The following FAT1 variants were observed in gnomAD, a reference collection of about 807,000 sequenced individuals.
The protein encoded by FAT1 is FAT atypical cadherin 1, also known as protocadherin Fat 1.
In FAT1, 171 loss-of-function variants were observed where a neutral mutation model predicts 329.8. That is an observed-to-expected ratio of 0.52 (90% CI 0.46 to 0.59). The LOEUF (loss-of-function observed/expected upper bound fraction) is 0.59. FAT1 is among the 20% of genes least tolerant of loss of function. The pLI, the probability that FAT1 is intolerant of heterozygous loss-of-function variation, is 0.00. For synonymous variants in FAT1, 2,233 were observed against 2,228.6 expected (o/e 1.00, Z -0.06); for missense variants, 5,672 against 5,774.4 (o/e 0.98, Z 0.57).
intron 3 of FAT1, among the ~76,000 whole-genome samples, 184 bp from the exon 4 acceptor site, chr4:186,639,967 C>G (rs1235596994): frequency 6.6e-6 from 1 of 152,018 alleles, no homozygotes; most frequent in African/African-American, 2.4e-5. Flanking sequence ...CATGATGAAA[C>G]CCTGTATCTA....
At chr4:186,712,996 AT>A (rs1341691980) in intron 1 of FAT1, among the ~76,000 whole-genome samples, 1 of 137,972 alleles carries the variant, frequency 7.2e-6, no homozygotes, top group Non-Finnish European at 1.6e-5. Flanking sequence ...CTTTTTAAAA[AT>A]AAACCTTATT....
In FAT1 at chr4:186,636,890, G is replaced by T. The variant is rs1740850599; in HGVS notation, c.3667C>A (p.Pro1223Thr). ...ACTCTTGCAATGGTTGATTTGGGGG[G>T]ACTACCATTGTCTGTCACAGTAACC... ...LEVTVTDNGSPPKSTIARVIV... is the reference protein window; with the variant it reads ...LEVTVTDNGSTPKSTIARVIV... The change falls in exon 5 of 27, where the codon CCC becomes ACC. Residue 1223 changes from proline (P) to threonine (T), a missense_variant. By Grantham distance (38) the Pro-to-Thr change is conservative. This residue lies in a region of FAT1 where 3,966 missense variants were observed against 3,915.2 expected (regional missense o/e 1.01). Coordinates refer to ENST00000441802, the MANE Select transcript of FAT1 (RefSeq NM_005245.4). 5.0e-6 allele frequency: 8 copies of T among 1,611,366 alleles called. No individual in the cohort carries two copies. Among genetic ancestry groups the T allele is most frequent in the Non-Finnish European group, 6.8e-6 (8 of 1,178,888 alleles).
chr4:186,705,404 C>G (rs1744531629), intron 2 of FAT1, among the ~76,000 whole-genome samples: 3 of 151,952 alleles, frequency 2.0e-5, no homozygotes, highest in African/African-American at 7.3e-5. Flanking sequence ...TAAAAAGGTC[C>G]CTTTTAAAAT....
chr4:186,630,706 G>A (rs142579570), intron 7 of FAT1, among the ~76,000 whole-genome samples: 168 of 152,060 alleles, frequency 1.1e-3, no homozygotes, highest in African/African-American at 3.1e-3. Context: ...CCAAAAGGAC[G>A]ATTATCACCA....
At position 186,709,409 on chromosome 4, in the gene FAT1, A is replaced by G; in HGVS notation, c.419T>C (p.Leu140Pro). The G allele has an allele frequency of 6.2e-7, 1 of 1,613,976 alleles. No homozygotes were observed. The highest frequency in any genetic ancestry group is 8.5e-7 in the Non-Finnish European group (1 of 1,179,890). The change falls in exon 2 of 27, where the codon CTG (leucine) becomes CCG (proline). Residue 140 changes from leucine to proline, a missense_variant. This residue lies in a region of FAT1 where 3,966 missense variants were observed against 3,915.2 expected (regional missense o/e 1.01). Transcript: ENST00000441802. ...TAACGGTCTCAAGTCATTTGTATCC[A>G]GCACCTGCACCCTGACCTTTGTTCG... ...EARTKVRVQV[L>P]DTNDLRPLFS...
At chr4:186,642,624 C>T (rs528780893) in intron 3 of FAT1, among the ~76,000 whole-genome samples, 16 of 143,324 alleles carry the variant, frequency 1.1e-4, no homozygotes, top group East Asian at 7.7e-4. Flanking sequence ...CCAGGTGCTG[C>T]GATGGGTGGC....
In FAT1 at chr4:186,588,473, C is replaced by T; in HGVS notation, c.*119G>A. ...ACGTCCAGAGGCGCAGGATCCAGCG[C>T]AGCCATGCCCATTCGGCTCACCAAA... On this transcript the variant is annotated 3_prime_UTR_variant, in exon 27 of 27. Transcript: ENST00000441802. 8.2e-7 allele frequency: 1 copy of T among 1,221,192 alleles called. No individual in the cohort carries two copies. The highest frequency in any genetic ancestry group is 1.1e-6 in the Non-Finnish European group (1 of 897,362). The allele number at this position is 1,221,192 out of a possible 1,614,324, so 75.6% of individuals were successfully genotyped here.
chr4:186,692,296 C>T (rs1345117895), intron 2 of FAT1, among the ~76,000 whole-genome samples: 1 of 143,824 alleles, frequency 7.0e-6, no homozygotes, highest in Non-Finnish European at 1.5e-5. Flanking sequence ...TATTAAAATA[C>T]ATCTTAGGTT....
rs115978713 is a variant in FAT1 at position 186,690,113 on chromosome 4, G to C, written c.3265+16450C>G. On this transcript the variant is annotated intron_variant, in intron 2 of 26. Transcript: ENST00000441802. ...CATTGCGTTACAGAAAAGTGTAGTA[G>C]AATTCAAAGCTGTATTTCTCTAAAA... Among the ~76,000 whole-genome samples, 1,254 of 152,238 alleles carry C rather than the reference G, an allele frequency of 8.2e-3. 21 individuals carry two copies. The highest frequency in any genetic ancestry group is 0.029 in the African/African-American group (1,207 of 41,528).
intron 2 of FAT1, among the ~76,000 whole-genome samples, chr4:186,679,395 T>G (rs185375816): frequency 1.5e-4 from 18 of 116,844 alleles, no homozygotes; most frequent in Non-Finnish European, 2.7e-4. Context: ...CCAGCCTGGG[T>G]GACAGAGTGA....
chr4:186,634,946 T>C (rs1292234875), intron 6 of FAT1, among the ~76,000 whole-genome samples: 1 of 152,262 alleles, frequency 6.6e-6, no homozygotes, highest in Admixed American at 6.5e-5. Flanking sequence ...GGAAATGTGA[T>C]AAAAGTTAAC....
chr4:186,653,637 T>C (rs576384427), intron 3 of FAT1, among the ~76,000 whole-genome samples: 1 of 152,324 alleles, frequency 6.6e-6, no homozygotes, highest in East Asian at 1.9e-4. Flanking sequence ...AGAATGGCTT[T>C]TGCATTTTTA....
At chr4:186,716,093 G>C (rs1337204742) in intron 1 of FAT1, among the ~76,000 whole-genome samples, 1 of 152,130 alleles carries the variant, frequency 6.6e-6, no homozygotes, top group Non-Finnish European at 1.5e-5. Flanking sequence ...ACAGAGACAG[G>C]ACATTAGGTG....
intron 1 of FAT1, among the ~76,000 whole-genome samples, chr4:186,710,644 T>C (rs1044669602): frequency 2.2e-4 from 34 of 152,228 alleles, no homozygotes; most frequent in African/African-American, 8.2e-4. Context: ...ACTATATCAA[T>C]GTTTTATCAC....
chr4:186,602,945 G>A lies in FAT1; in HGVS notation c.11440C>T (p.His3814Tyr), dbSNP rs769371449. The A allele has an allele frequency of 7.7e-5, 125 of 1,613,868 alleles. No homozygotes were observed. Among genetic ancestry groups the A allele is most frequent in the Non-Finnish European group, 1.0e-4 (121 of 1,179,880 alleles). Residue 3814 changes from histidine to tyrosine, a missense_variant, in exon 20 of 27, where the codon CAC becomes TAC. By Grantham distance (83) the His-to-Tyr change is moderately conservative. Coordinates refer to ENST00000441802, the MANE Select transcript of FAT1 (RefSeq NM_005245.4). ...CTGCCGCTGGGACAGACACAGGTGT[G>A]TTTCTCCTCCCAGGGATCAGACACA... The part of the protein sequence containing the change: ...ECVSDPWEEK[H>Y]TCVCPSGRFG...
chr4:186,598,024 C>T lies in FAT1; in HGVS notation c.12205G>A (p.Val4069Ile), dbSNP rs779558478. 23 of 1,613,816 alleles carry T rather than the reference C, an allele frequency of 1.4e-5. No individual in the cohort carries two copies. The South Asian group carries it at 1.6e-4, about 12-fold the overall frequency. ...KPCLYGGTCV[V>I]DNGGFVCQCR... ...TGGCAAACAAAGCCTCCGTTGTCGA[C>T]AACACACGTGCCCCCATAGAGGCAT... Residue 4069 changes from valine to isoleucine, a missense_variant, in exon 23 of 27, where the codon GTC becomes ATC. This residue lies in a region of FAT1 where 1,706 missense variants were observed against 1,859.1 expected (regional missense o/e 0.92). Transcript: ENST00000441802.
rs776289456 is a variant in FAT1 at position 186,611,477 on chromosome 4, T to G, written c.9762A>C (p.Ala3254=). The G allele has an allele frequency of 1.2e-6, 2 of 1,613,888 alleles. No individual in the cohort carries two copies. The highest frequency in any genetic ancestry group is 2.7e-5 in the African/African-American group (2 of 74,940). Residue 3254 remains alanine, a synonymous_variant, in exon 14 of 27, where the codon GCA becomes GCC. Transcript: ENST00000441802. ...CATTTGCTTCAATATCCCGACTTGC[T>G]GCATACACTTGAAGAACTTCAGTTC... The part of the protein sequence containing the change: ...LVGTEVLQVY[A]ASRDIEANAE...
At chr4:186,605,719 C>T (rs1263596224) in intron 17 of FAT1, among the ~76,000 whole-genome samples, 3 of 130,952 alleles carry the variant, frequency 2.3e-5, no homozygotes, top group African/African-American at 5.9e-5. Context: ...GAAGATGGAG[C>T]GAGAAGGAAG....
rs2126391596 is a variant in FAT1 at position 186,596,891 on chromosome 4, T to C, written c.12649A>G (p.Lys4217Glu). The change falls in exon 25 of 27, where the codon AAA becomes GAA. Residue 4217 changes from lysine to glutamate, a missense_variant. Transcript: ENST00000441802. The surrounding 1 kb of genome is among the most constrained non-coding windows in gnomAD (Gnocchi z 4.7). ...GTAGCGGGTCCCAGGTGCTTGTCTT[T>C]AGGTTCAGCCTGATGCTTCTTTTTC... is the stretch of plus-strand genomic sequence containing the variant. ...SRKKKHQAEP[K>E]DKHLGPATAF... 1.2e-6 allele frequency: 2 copies of C among 1,614,050 alleles called. No homozygotes were observed. Among genetic ancestry groups the C allele is most frequent in the Non-Finnish European group, 1.7e-6 (2 of 1,179,896 alleles).
Sources: allele counts gnomAD v4.1 joint callset (sites outside exome capture counted in the v4.1 genomes callset), GRCh38; gene constraint gnomAD v4.1.1; regional missense constraint gnomAD v4.1.1; non-coding constraint Gnocchi (gnomAD v3.1); transcripts MANE v1.5; gene names NCBI Gene and HGNC (gene_info 2026-07-23, HGNC 2026-07-21).